POLRMT: variants seen among roughly 807,000 people sequenced by gnomAD.
The protein encoded by POLRMT is RNA polymerase mitochondrial.
A neutral mutation model predicts 132.2 loss-of-function variants in POLRMT; 114 were observed. The ratio of observed to expected loss-of-function variants is 0.86; its 90% CI spans 0.74 to 1.01. The LOEUF (loss-of-function observed/expected upper bound fraction) is 1.01, where lower values mean the gene tolerates loss of function less well. Ranked by LOEUF, POLRMT falls within the 50% of genes least tolerant of loss-of-function variation. POLRMT has a pLI of 0.00. For synonymous variants in POLRMT, 1,020 were observed against 773.4 expected (o/e 1.32, Z -5.29); for missense variants, 2,003 against 1,729.1 (o/e 1.16, Z -2.81).
At chr19:621,876 C>T (rs1984639174) in intron 9 of POLRMT, 30 bp from the exon 10 acceptor site, 5 of 1,597,954 alleles carry the variant, frequency 3.1e-6, no homozygotes, top group Non-Finnish European at 4.2e-6. Flanking sequence ...CGGGTCAGGG[C>T]CCCGGTGCTG....
At chr19:622,438 T>TCAG in intron 8 of POLRMT, 65 bp from the exon 9 acceptor site, 1 of 1,477,816 alleles carries the variant, frequency 6.8e-7, no homozygotes, top group Non-Finnish European at 9.0e-7. Context: ...CCACCGCCCG[T>TCAG]GCCTGACGCC....
At position 633,508 on chromosome 19, in the gene POLRMT, G is replaced by A. The variant is rs747842091; in HGVS notation, c.5C>T (p.Ser2Leu). 8 of 1,055,532 alleles carry A rather than the reference G, an allele frequency of 7.6e-6. No individual in the cohort carries two copies. Among genetic ancestry groups the A allele is most frequent in the East Asian group, 5.8e-5 (2 of 34,398 alleles). The allele number at this position is 1,055,532 out of a possible 1,614,324, so 65.4% of individuals were successfully genotyped here. Residue 2 changes from serine (S) to leucine (L), a missense_variant, in exon 1 of 21, where the codon TCG becomes TTG. By Grantham distance (145) the Ser-to-Leu change is moderately radical. Coordinates refer to ENST00000588649, the MANE Select transcript of POLRMT (RefSeq NM_005035.4). M[S>L]ALCWGRGAAG... ...CGCTCCGCGGCCCCAGCAAAGTGCC[G>A]ACATTACGCACGCCGCTCCAGGCCA...
In POLRMT at chr19:619,948, C is replaced by A. The variant is rs1243823536; in HGVS notation, c.2886+10G>T. ...GCCGAGATGCCCCCGGGCAGCAGGGCACACCCTACCTGCGCGGCCACGCCG... is the reference window on the plus strand; with the variant it reads ...GCCGAGATGCCCCCGGGCAGCAGGGAACACCCTACCTGCGCGGCCACGCCG... On this transcript the variant is annotated intron_variant, in intron 12 of 20. Transcript: ENST00000588649. 2.5e-6 allele frequency: 4 copies of A among 1,601,808 alleles called. No homozygotes were observed. The South Asian group carries it at 3.3e-5, about 13-fold the overall frequency.
rs1283477136 is a variant in POLRMT at position 629,803 on chromosome 19, A to AG, written c.558dup (p.Trp187LeufsTer51). On this transcript the variant is annotated frameshift_variant, in exon 3 of 21. Coordinates refer to ENST00000588649, the MANE Select transcript of POLRMT (RefSeq NM_005035.4). LOFTEE classifies it high-confidence loss of function. The stretch of plus-strand genomic sequence containing the variant: ...AGCAGCCGGGCCAGCTGCTCCTCCC[A>AG]GGGGCTCTCGGGGGCCTGGCGCGTG... 1 of 1,583,848 alleles carries AG rather than the reference A, an allele frequency of 6.3e-7. No homozygotes were observed. The highest frequency in any genetic ancestry group is 1.4e-5 in the African/African-American group (1 of 73,560).
In POLRMT at chr19:617,430, ACC is replaced by A; in HGVS notation, c.3630_3631del (p.Val1211AlafsTer?). Reference sequence around the variant, plus strand: ...GCCCACCCGCCTACCTGGCTTGGGCACCGCCTGCAGTGTCTCCTTCAGCTGGC... The same window carrying A: ...GCCCACCCGCCTACCTGGCTTGGGCAGCCTGCAGTGTCTCCTTCAGCTGGC... On this transcript the variant is annotated frameshift_variant, in exon 20 of 21. Transcript: ENST00000588649. LOFTEE classifies it high-confidence loss of function. 1 of 1,608,600 alleles carries A rather than the reference ACC, an allele frequency of 6.2e-7. No homozygotes were observed. The highest frequency in any genetic ancestry group is 8.5e-7 in the Non-Finnish European group (1 of 1,178,326).
At chr19:618,176 C>T (rs888058868) in intron 17 of POLRMT, 4 of 549,248 alleles carry the variant, frequency 7.3e-6, no homozygotes, top group African/African-American at 5.7e-5. Context: ...GCTCCCGTGG[C>T]CGGTAGATTC....
rs1382388742 is a variant in POLRMT, at chr19:633,414, C to T, written c.88+11G>A. On this transcript the variant is annotated intron_variant, in intron 1 of 20. Coordinates refer to ENST00000588649, the MANE Select transcript of POLRMT (RefSeq NM_005035.4). ...GCCCCCGGGCTGCCTGGCCGTCTCC[C>T]TTTGTGTTACCTTCTTTGCCGGGGA... The T allele has an allele frequency of 1.3e-6, 2 of 1,536,512 alleles. No homozygotes were observed. Among genetic ancestry groups the T allele is most frequent in the Non-Finnish European group, 1.8e-6 (2 of 1,140,392 alleles).
At chr19:619,378 G>A (rs1011558887) in intron 13 of POLRMT, 82 bp from the exon 14 acceptor site, 6 of 1,494,882 alleles carry the variant, frequency 4.0e-6, no homozygotes, top group Non-Finnish European at 5.5e-6. Flanking sequence ...GAGCCACTGA[G>A]GCCCAAGGCC....
intron 2 of POLRMT, among the ~76,000 whole-genome samples, chr19:632,528 G>A (rs534934322): frequency 5.1e-5 from 6 of 117,642 alleles, no homozygotes; most frequent in African/African-American, 2.3e-4. Flanking sequence ...TGGCCTTGGC[G>A]GCGGGGCCGG....
rs540320661 is a variant in POLRMT at position 620,686 on chromosome 19, G to C, written c.2641-199C>G. ...CGGATGGAGGATGGGAGCTGCGGGT[G>C]GACCGGGCTGAAACAAGCGTGTCCG... On this transcript the variant is annotated intron_variant, in intron 10 of 20. Transcript: ENST00000588649. Among the ~76,000 whole-genome samples the C allele has an allele frequency of 9.7e-4, 144 of 148,836 alleles. 1 individual carries two copies. Among genetic ancestry groups the C allele is most frequent in the Middle Eastern group, 3.4e-3 (1 of 292 alleles).
rs1487265677 is a variant in POLRMT, at chr19:621,500, G to C, written c.2198C>G (p.Ala733Gly). Residue 733 changes from alanine to glycine, a missense_variant, in exon 10 of 21, where the codon GCC (alanine) becomes GGC (glycine). Physicochemically the swap from Ala to Gly is moderately conservative, Grantham distance 60. Transcript: ENST00000588649. ...AKGCPQLGVPAPPSEAPQPPE... is the reference protein window; with the variant it reads ...AKGCPQLGVPGPPSEAPQPPE... ...CGGCTGGGGCGCCTCGGAGGGCGGG[G>C]CCGGCACGCCTAGCTGGGGGCAGCC... 1 of 1,375,270 alleles carries C rather than the reference G, an allele frequency of 7.3e-7. No individual in the cohort carries two copies. Among genetic ancestry groups the C allele is most frequent in the Non-Finnish European group, 9.3e-7 (1 of 1,072,976 alleles). The allele number at this position is 1,375,270 out of a possible 1,614,324, so 85.2% of individuals were successfully genotyped here. A position where few individuals can be genotyped will look rare whatever the true frequency, so the allele number is the denominator to read the frequency against.
At chr19:627,924 CAAA>C (rs35674455) in intron 3 of POLRMT, among the ~76,000 whole-genome samples, 24 of 101,826 alleles carry the variant, frequency 2.4e-4, no homozygotes, top group East Asian at 9.0e-4. Flanking sequence ...GAGTCTATCT[CAAA>C]AAAAAAAAAA....
intron 2 of POLRMT, among the ~76,000 whole-genome samples, chr19:632,020 G>A (rs1273837359): frequency 4.0e-5 from 6 of 150,628 alleles, no homozygotes; most frequent in Non-Finnish European, 8.9e-5. Flanking sequence ...TGATCCGCCC[G>A]CCTCGGCCTC....
intron 11 of POLRMT, 30 bp downstream of exon 11, chr19:620,335 G>C: frequency 1.8e-5 from 28 of 1,541,596 alleles, no homozygotes; most frequent in Non-Finnish European, 2.4e-5. Context: ...CACACTGCAC[G>C]GCCTCGGGGG....
At chr19:617,514 G>C (rs758324449) in intron 19 of POLRMT, 34 bp from the exon 20 acceptor site, 2 of 1,531,806 alleles carry the variant, frequency 1.3e-6, no homozygotes, top group African/African-American at 1.4e-5. Flanking sequence ...TGAGGCTGAG[G>C]CCAGGTTTTG....
chr19:618,803 C>G, intron 15 of POLRMT, 43 bp from the exon 16 acceptor site: 1 of 1,555,344 alleles, frequency 6.4e-7, no homozygotes, highest in Non-Finnish European at 8.7e-7. Flanking sequence ...CGAGGCCCAG[C>G]ACGGTGGTGG....
In POLRMT at chr19:620,352, C is replaced by G; in HGVS notation, c.2763+13G>C. ...CACTGCACGGCCTCGGGGGCCAGAC[C>G]CAGCTGGCTCACCTGATGGACGGGG... On this transcript the variant is annotated intron_variant, in intron 11 of 20. Coordinates refer to ENST00000588649, the MANE Select transcript of POLRMT (RefSeq NM_005035.4). The G allele has an allele frequency of 6.4e-7, 1 of 1,564,050 alleles. No homozygotes were observed. Among genetic ancestry groups the G allele is most frequent in the Non-Finnish European group, 8.7e-7 (1 of 1,155,252 alleles).
intron 13 of POLRMT, 131 bp downstream of exon 13, chr19:619,455 C>G: frequency 7.2e-7 from 1 of 1,396,744 alleles, no homozygotes; most frequent in Admixed American, 1.9e-5. Context: ...AACGCCCAAG[C>G]CCTAACAGGC....
intron 1 of POLRMT, 110 bp from the exon 2 acceptor site, chr19:633,048 A>T (rs192365414): frequency 1.4e-4 from 109 of 757,770 alleles, no homozygotes; most frequent in Non-Finnish European, 2.0e-4. Flanking sequence ...CGCAGCGGAA[A>T]CTCTCGGAGC....
Sources: gnomAD v4.1 joint callset for allele counts (sites outside exome capture counted in the v4.1 genomes callset) on GRCh38, gnomAD v4.1.1 for gene constraint, MANE v1.5 for transcripts, NCBI Gene and HGNC (gene_info 2026-07-23, HGNC 2026-07-21) for gene names.